VWA3B: variants seen among roughly 807,000 people sequenced by gnomAD.
VWA3B encodes von Willebrand factor A domain-containing protein 3B.
In VWA3B, 138 loss-of-function variants were observed where a neutral mutation model predicts 158.3. The ratio of observed to expected loss-of-function variants is 0.87; its 90% CI spans 0.76 to 1.00. VWA3B has a LOEUF of 1.00. Ranked by LOEUF, VWA3B falls within the 50% of genes least tolerant of loss-of-function variation. The pLI, the probability that VWA3B is intolerant of heterozygous loss-of-function variation, is 0.00. For missense variants in VWA3B, 1,555 were observed against 1,565.1 expected (o/e 0.99, Z 0.11); for synonymous variants, 596 against 587.3 (o/e 1.01, Z -0.21).
rs543364336 is a variant in VWA3B at position 98,205,212 on chromosome 2, C to T, written c.1738-6718C>T. On this transcript the variant is annotated intron_variant, in intron 12 of 27. Transcript: ENST00000477737. ...ATTACAAATTCAATTTCTTTAATAACCATAGAACTATTCAGGTTGTCAGTT... is the reference window on the plus strand; with the variant it reads ...ATTACAAATTCAATTTCTTTAATAATCATAGAACTATTCAGGTTGTCAGTT... 1.4e-4 allele frequency among the ~76,000 whole-genome samples: 21 copies of T among 152,288 alleles called. No homozygotes were observed. In the East Asian group the frequency reaches 4.0e-3, roughly 29 times the overall value.
At chr2:98,124,620 T>C (rs1011510035) in intron 5 of VWA3B, among the ~76,000 whole-genome samples, 3 of 152,204 alleles carry the variant, frequency 2.0e-5, no homozygotes, top group Admixed American at 1.3e-4. Flanking sequence ...AATGTTGCAG[T>C]GTTCAAAGGT....
downstream of VWA3B, among the ~76,000 whole-genome samples, chr2:98,317,274 G>A (rs566135921): frequency 7.9e-5 from 12 of 152,150 alleles, no homozygotes; most frequent in South Asian, 2.1e-4. Flanking sequence ...AACAGCAAAC[G>A]TTTTATGAGG....
At chr2:98,277,102 A>G (rs1688573819) in intron 22 of VWA3B, among the ~76,000 whole-genome samples, 1 of 152,228 alleles carries the variant, frequency 6.6e-6, no homozygotes, top group African/African-American at 2.4e-5. Flanking sequence ...CATCCTGCAC[A>G]GGGCACATTC....
chr2:98,315,578 G>A (rs1050813312), downstream of VWA3B, among the ~76,000 whole-genome samples: 2 of 152,222 alleles, frequency 1.3e-5, no homozygotes, highest in African/African-American at 4.8e-5. Flanking sequence ...CATACTTCAA[G>A]TGAGAGTCAT....
intron 5 of VWA3B, among the ~76,000 whole-genome samples, chr2:98,126,081 A>G (rs116362455): frequency 2.6e-3 from 403 of 152,352 alleles, no homozygotes; most frequent in Non-Finnish European, 3.9e-3. Context: ...GGAAATCTGT[A>G]GCGTAACACA....
rs1558620851 is a variant in VWA3B at position 98,162,822 on chromosome 2, GGCCGCTCAT to G, written c.989-26_989-18del. 6.2e-7 allele frequency: 1 copy of G among 1,611,276 alleles called. No homozygotes were observed. Among genetic ancestry groups the G allele is most frequent in the Admixed American group, 1.7e-5 (1 of 59,872 alleles). ...CCACATTCCTGGGCCTGTCTCAGCC[GGCCGCTCAT>G]GCTGTGTCTCCCCTTTTAGGAGCTG... On this transcript the variant is annotated intron_variant, in intron 7 of 27. Coordinates refer to ENST00000477737, the MANE Select transcript of VWA3B (RefSeq NM_144992.5).
intron 14 of VWA3B, among the ~76,000 whole-genome samples, chr2:98,225,957 T>C (rs1044636762): frequency 6.6e-6 from 1 of 152,348 alleles, no homozygotes; most frequent in South Asian, 2.1e-4. Context: ...TGGAAAGATA[T>C]GTCCTGTTCA....
chr2:98,200,766 G>A (rs1243120763), intron 12 of VWA3B, among the ~76,000 whole-genome samples: 1 of 152,128 alleles, frequency 6.6e-6, no homozygotes, highest in African/African-American at 2.4e-5. Context: ...AGTCATGCAG[G>A]TTTTCTCATG....
chr2:98,137,928 AT>A (rs1379045292), intron 7 of VWA3B, among the ~76,000 whole-genome samples: 1 of 152,186 alleles, frequency 6.6e-6, no homozygotes, highest in African/African-American at 2.4e-5. Flanking sequence ...CTACTTTTTA[AT>A]TTTCTAGTAT....
Position 98,234,744 on chromosome 2 carries a change from G to T in VWA3B, c.2405G>T (p.Arg802Leu). 1.2e-6 allele frequency: 2 copies of T among 1,614,152 alleles called. No homozygotes were observed. The highest frequency in any genetic ancestry group is 1.7e-6 in the Non-Finnish European group (2 of 1,180,016). ...RKDGLSNASS[R>L]RTALSDKEMS... is the part of the protein sequence containing the mutation. Reference sequence around the variant, plus strand: ...GATGGCCTCTCCAATGCCAGCAGCCGGAGGACTGCTCTAAGTGACAAAGGC... The same window carrying T: ...GATGGCCTCTCCAATGCCAGCAGCCTGAGGACTGCTCTAAGTGACAAAGGC... Residue 802 changes from arginine (R) to leucine (L), a missense_variant, in exon 17 of 28, where the codon CGG becomes CTG. By Grantham distance (102) the Arg-to-Leu change is moderately radical (BLOSUM62 -2). Coordinates refer to ENST00000477737, the MANE Select transcript of VWA3B (RefSeq NM_144992.5).
At chr2:98,299,382 G>A (rs962564133) in intron 24 of VWA3B, among the ~76,000 whole-genome samples, 4 of 152,162 alleles carry the variant, frequency 2.6e-5, no homozygotes, top group Admixed American at 6.5e-5. Context: ...CTCTTGCCGC[G>A]TTCCTAATTC....
At chr2:98,308,690 A>T (rs2106016532) in intron 26 of VWA3B, among the ~76,000 whole-genome samples, 1 of 152,342 alleles carries the variant, frequency 6.6e-6, no homozygotes. Flanking sequence ...GGTGTTCTCC[A>T]GTGGAGAGAG....
chr2:98,294,834 C>T (rs1013467047), intron 23 of VWA3B, among the ~76,000 whole-genome samples: 3 of 152,226 alleles, frequency 2.0e-5, no homozygotes, highest in Non-Finnish European at 4.4e-5. Context: ...GCTGGCCACA[C>T]GACTGCAATC....
intron 7 of VWA3B, among the ~76,000 whole-genome samples, chr2:98,140,359 G>T (rs1676678620): frequency 6.6e-6 from 1 of 152,216 alleles, no homozygotes; most frequent in African/African-American, 2.4e-5. Flanking sequence ...TCTTTGGCTT[G>T]GATTTACAGA....
chr2:98,257,047 C>T (rs771482810), intron 21 of VWA3B, among the ~76,000 whole-genome samples: 19 of 152,050 alleles, frequency 1.2e-4, no homozygotes, highest in Non-Finnish European at 2.8e-4. Flanking sequence ...CTTTTTCCTT[C>T]TACCTAACTG....
At chr2:98,179,788 T>TC (rs1428745833) in intron 8 of VWA3B, among the ~76,000 whole-genome samples, 2 of 21,398 alleles carry the variant, frequency 9.3e-5, no homozygotes, top group Admixed American at 4.5e-4. Flanking sequence ...TCTCTTTCTT[T>TC]TCTTTCTTTC....
intron 23 of VWA3B, among the ~76,000 whole-genome samples, chr2:98,292,469 AAT>A (rs767219248): frequency 2.6e-5 from 4 of 152,048 alleles, no homozygotes; most frequent in Non-Finnish European, 5.9e-5. Flanking sequence ...GATGAGAGTA[AAT>A]ATGGATCCCA....
chr2:98,290,788 A>T (rs1689447073), intron 23 of VWA3B, 166 bp downstream of exon 23: 1 of 557,536 alleles, frequency 1.8e-6, no homozygotes, highest in Non-Finnish European at 3.2e-6. Flanking sequence ...CCAGCTCATG[A>T]AATGAGCGTA....
At chr2:98,209,443 G>A (rs1318360210) in intron 12 of VWA3B, among the ~76,000 whole-genome samples, 1 of 151,962 alleles carries the variant, frequency 6.6e-6, no homozygotes, top group African/African-American at 2.4e-5. Flanking sequence ...ACCACGCCAG[G>A]CTAATTTTTT....
Sources: gnomAD v4.1 joint callset for allele counts (sites outside exome capture counted in the v4.1 genomes callset) on GRCh38, gnomAD v4.1.1 for gene constraint, MANE v1.5 for transcripts, NCBI Gene and HGNC (gene_info 2026-07-23, HGNC 2026-07-21) for gene names.